The following CADM2 variants were observed in gnomAD, a reference collection of about 807,000 sequenced individuals.
The protein encoded by CADM2 is cell adhesion molecule 2, also known as immunoglobulin superfamily member 4D.
In CADM2, 12 loss-of-function variants were observed where a neutral mutation model predicts 49.8. The ratio of observed to expected loss-of-function variants is 0.24; its 90% CI spans 0.15 to 0.39. CADM2 has a LOEUF of 0.39. Ranked by LOEUF, CADM2 falls within the 10% of genes least tolerant of loss-of-function variation. The probability of loss-of-function intolerance (pLI) is 1.00; values close to 1 mark genes in which losing one functional copy is unlikely to be tolerated. For missense variants in CADM2, 378 were observed against 492.3 expected, an observed-to-expected ratio of 0.77 and a Z score of 2.20; for synonymous variants, 214 against 175.4, an observed-to-expected ratio of 1.22 and a Z score of -1.74.
At chr3:85,554,892 T>TGG (rs2061917997) in intron 1 of CADM2, among the ~76,000 whole-genome samples, 3 of 137,586 alleles carry the variant, frequency 2.2e-5, no homozygotes, top group Admixed American at 1.5e-4. Context: ...ATTTTTTTTT[T>TGG]TTTTGTGCAG....
chr3:85,056,529 T>G (rs2036086251), intron 1 of CADM2, among the ~76,000 whole-genome samples: 2 of 152,064 alleles, frequency 1.3e-5, no homozygotes, highest in Non-Finnish European at 2.9e-5. Context: ...ATATAAAAGA[T>G]AGGGGCCTTA....
chr3:85,325,486 C>T (rs748932335), intron 1 of CADM2, among the ~76,000 whole-genome samples: 5 of 152,034 alleles, frequency 3.3e-5, no homozygotes, highest in Non-Finnish European at 7.4e-5. Context: ...CCGAGGCAGG[C>T]GGATCATGAG....
At chr3:85,354,578 G>A (rs970453691) in intron 1 of CADM2, among the ~76,000 whole-genome samples, 14 of 133,564 alleles carry the variant, frequency 1.0e-4, no homozygotes, top group African/African-American at 3.5e-4. Flanking sequence ...GTGCATGTGG[G>A]CATTTTAAAT....
At chr3:85,222,080 T>C (rs556416987) in intron 1 of CADM2, among the ~76,000 whole-genome samples, 68 of 152,316 alleles carry the variant, frequency 4.5e-4, no homozygotes, top group Non-Finnish European at 3.5e-4. Context: ...CACCATGCCA[T>C]GTTTTTTGTC....
In CADM2 at chr3:85,215,358, TA is replaced by T. The variant is rs955035192; in HGVS notation, c.61+255714del. ...TGCAACACCAAAGTTCTCTCTTTTTTAAAAAAAAAAAAAAAAAAAAAAAAGA... is the reference window on the plus strand; with the variant it reads ...TGCAACACCAAAGTTCTCTCTTTTTTAAAAAAAAAAAAAAAAAAAAAAAGA... On this transcript the variant is annotated intron_variant, in intron 1 of 9. Coordinates refer to ENST00000383699, the MANE Select transcript of CADM2 (RefSeq NM_001167675.2). Among the ~76,000 whole-genome samples the T allele has an allele frequency of 4.2e-3, 344 of 80,956 alleles. 3 individuals carry two copies. The highest frequency in any genetic ancestry group is 0.015 in the East Asian group (40 of 2,658). The allele number at this position is 80,956 out of a possible 152,430, so 53.1% of individuals were successfully genotyped here. A position where few individuals can be genotyped will look rare whatever the true frequency, so the allele number is the denominator to read the frequency against.
chr3:85,337,000 T>G (rs1178527912), intron 1 of CADM2, among the ~76,000 whole-genome samples: 1 of 122,990 alleles, frequency 8.1e-6, no homozygotes, highest in African/African-American at 2.8e-5. Flanking sequence ...ATTTAATATA[T>G]ATTAAATATA....
intron 1 of CADM2, among the ~76,000 whole-genome samples, chr3:85,290,372 G>T (rs144209389): frequency 4.6e-5 from 7 of 152,186 alleles, no homozygotes; most frequent in Admixed American, 1.3e-4. Flanking sequence ...AGGGGCGCCC[G>T]CCATTGCCCA....
intron 1 of CADM2, among the ~76,000 whole-genome samples, chr3:84,998,660 A>C (rs938734427): frequency 5.3e-5 from 8 of 152,096 alleles, no homozygotes; most frequent in Admixed American, 3.3e-4. Context: ...TTGTTCTGGA[A>C]CTCTGGATTT....
chr3:85,220,283 A>G (rs1416255818), intron 1 of CADM2, among the ~76,000 whole-genome samples: 1 of 152,104 alleles, frequency 6.6e-6, no homozygotes, highest in East Asian at 1.9e-4. Context: ...TCCAATTTTG[A>G]TGGTGATATT....
chr3:85,426,866 T>G (rs1278273533), intron 1 of CADM2, among the ~76,000 whole-genome samples: 2 of 152,006 alleles, frequency 1.3e-5, no homozygotes, highest in African/African-American at 4.8e-5. Flanking sequence ...ATTATTAAAG[T>G]GATAATTTGA....
At chr3:86,025,484 C>A (rs1733795334) in intron 8 of CADM2, among the ~76,000 whole-genome samples, 1 of 151,492 alleles carries the variant, frequency 6.6e-6, no homozygotes, top group South Asian at 2.1e-4. Flanking sequence ...TTAAAGTGTT[C>A]TTATTTTTTT....
chr3:85,395,296 C>CAAAA (rs58315220), intron 1 of CADM2, among the ~76,000 whole-genome samples: 111 of 75,536 alleles, frequency 1.5e-3, no homozygotes, highest in Middle Eastern at 8.9e-3. Flanking sequence ...AGACTCCATA[C>CAAAA]AAAAAAAAAA....
chr3:85,294,159 A>G (rs2043885753), intron 1 of CADM2, among the ~76,000 whole-genome samples: 3 of 152,126 alleles, frequency 2.0e-5, no homozygotes, highest in Admixed American at 6.6e-5. Flanking sequence ...ACAAACAGAG[A>G]GCCAAATCAT....
chr3:85,954,045 T>C (rs1723759428), intron 7 of CADM2, among the ~76,000 whole-genome samples: 1 of 150,978 alleles, frequency 6.6e-6, no homozygotes, highest in South Asian at 2.1e-4. Context: ...TAAATTTTAA[T>C]AAGTAAAACA....
At chr3:85,742,260 T>A (rs1430380493) in intron 2 of CADM2, among the ~76,000 whole-genome samples, 2 of 152,206 alleles carry the variant, frequency 1.3e-5, no homozygotes, top group African/African-American at 2.4e-5. Context: ...TGAGAGGTAT[T>A]CTGTTACATT....
At chr3:85,712,144 T>C (rs139674112) in intron 1 of CADM2, among the ~76,000 whole-genome samples, 124 of 152,304 alleles carry the variant, frequency 8.1e-4, no homozygotes, top group Non-Finnish European at 1.4e-3. Flanking sequence ...TCTAAGGTAG[T>C]TACAGAATAA....
chr3:85,692,705 T>G (rs1357625157), intron 1 of CADM2, among the ~76,000 whole-genome samples: 1 of 152,224 alleles, frequency 6.6e-6, no homozygotes, highest in East Asian at 1.9e-4. Flanking sequence ...AAGAACTTAC[T>G]CCCTGGTTAC....
chr3:85,650,563 G>T (rs773521080), intron 1 of CADM2, among the ~76,000 whole-genome samples: 1 of 149,532 alleles, frequency 6.7e-6, no homozygotes, highest in Non-Finnish European at 1.5e-5. Context: ...GATTTTTCTA[G>T]AACAGTGGTT....
chr3:85,018,972 T>C (rs1164892837), intron 1 of CADM2, among the ~76,000 whole-genome samples: 2 of 152,064 alleles, frequency 1.3e-5, no homozygotes, highest in African/African-American at 4.8e-5. Context: ...TGAAAGGAAA[T>C]AAACATTGGG....
Sources: gnomAD v4.1 joint callset for allele counts (sites outside exome capture counted in the v4.1 genomes callset) on GRCh38, gnomAD v4.1.1 for gene constraint, MANE v1.5 for transcripts, NCBI Gene and HGNC (gene_info 2026-07-23, HGNC 2026-07-21) for gene names.